The following DYSF variants were observed in gnomAD, a reference collection of about 807,000 sequenced individuals.
The protein encoded by DYSF is dystrophy-associated fer-1-like 1.
In DYSF, 212 loss-of-function variants were observed where a neutral mutation model predicts 274.9. The ratio of observed to expected loss-of-function variants is 0.77; its 90% confidence interval spans 0.69 to 0.86. The LOEUF is 0.86. DYSF is among the 40% of genes least tolerant of loss of function. The pLI, the probability that DYSF is intolerant of heterozygous loss-of-function variation, is 0.00. For missense variants in DYSF, 2,666 were observed against 2,783.2 expected, an observed-to-expected ratio of 0.96 and a Z score of 0.95; for synonymous variants, 1,091 against 1,078.7, an observed-to-expected ratio of 1.01 and a Z score of -0.22.
intron 30 of DYSF, among the ~76,000 whole-genome samples, chr2:71,583,644 C>T (rs964965795): frequency 6.6e-6 from 1 of 152,186 alleles, no homozygotes; most frequent in Non-Finnish European, 1.5e-5. Context: ...CCTGTTTAGA[C>T]CAAGGCACCA....
At chr2:71,502,077 C>CTGTGTGTGTG (rs1404911959) in intron 3 of DYSF, among the ~76,000 whole-genome samples, 1 of 118,424 alleles carries the variant, frequency 8.4e-6, no homozygotes, top group African/African-American at 3.3e-5. Flanking sequence ...CTCTCCATGA[C>CTGTGTGTGTG]TCTGTGTGTG....
intron 18 of DYSF, 138 bp downstream of exon 18, chr2:71,551,294 C>A: frequency 1.2e-6 from 1 of 862,180 alleles, no homozygotes; most frequent in Non-Finnish European, 1.9e-6. Context: ...AGTTCTCCTT[C>A]TGCCCCTTGA....
intron 45 of DYSF, among the ~76,000 whole-genome samples, chr2:71,661,960 G>A (rs567801568): frequency 2.0e-5 from 3 of 152,242 alleles, no homozygotes; most frequent in East Asian, 3.9e-4. Flanking sequence ...AGCTCCAGGG[G>A]CTGGCGCAGG....
chr2:71,551,327 G>C (rs1304232924), intron 18 of DYSF, among the ~76,000 whole-genome samples, 171 bp downstream of exon 18: 2 of 152,222 alleles, frequency 1.3e-5, no homozygotes, highest in African/African-American at 4.8e-5. Flanking sequence ...CTGAGTGCCA[G>C]TCTGATCCTT....
chr2:71,599,126 T>C (rs1173917205), intron 33 of DYSF, among the ~76,000 whole-genome samples: 1 of 152,138 alleles, frequency 6.6e-6, no homozygotes, highest in Non-Finnish European at 1.5e-5. Context: ...TCACTTGGGG[T>C]TCCTTGTTTA....
chr2:71,620,848 T>G (rs1337655285), intron 41 of DYSF, among the ~76,000 whole-genome samples: 1 of 152,016 alleles, frequency 6.6e-6, no homozygotes, highest in East Asian at 1.9e-4. Context: ...CTTATTTACC[T>G]GTGTGAGGGC....
chr2:71,520,130 C>T lies in DYSF; in HGVS notation c.1003-48C>T, dbSNP rs372586228. The T allele has an allele frequency of 2.5e-5, 40 of 1,612,520 alleles. 1 individual carries two copies. Among genetic ancestry groups the T allele is most frequent in the South Asian group, 2.4e-4 (22 of 91,044 alleles). On this transcript the variant is annotated intron_variant, in intron 10 of 55. Coordinates refer to ENST00000410020, the MANE Select transcript of DYSF (RefSeq NM_001130987.2). ...ATATAATGCACCACACTTTATTTAACGCTTTGGCGGCAAGAGTTTGATTTG... is the reference window on the plus strand; with the variant it reads ...ATATAATGCACCACACTTTATTTAATGCTTTGGCGGCAAGAGTTTGATTTG...
chr2:71,506,534 C>T (rs10181971), intron 4 of DYSF, among the ~76,000 whole-genome samples: 111,176 of 152,072 alleles, frequency 0.73, 41,682 homozygotes, highest in Middle Eastern at 0.82. Flanking sequence ...GGACCCGTGA[C>T]GTGGAGGACC....
chr2:71,543,733 G>A (rs1573876347), intron 17 of DYSF, among the ~76,000 whole-genome samples: 1 of 152,282 alleles, frequency 6.6e-6, no homozygotes, highest in South Asian at 2.1e-4. Context: ...GTGGCGGCGC[G>A]CGCCTGCAAT....
At chr2:71,633,527 AGAT>A (rs573489375) in intron 41 of DYSF, among the ~76,000 whole-genome samples, 1 of 152,200 alleles carries the variant, frequency 6.6e-6, no homozygotes, top group Non-Finnish European at 1.5e-5. Context: ...ATATCTTTGT[AGAT>A]ATCTACTCTG....
intron 44 of DYSF, among the ~76,000 whole-genome samples, chr2:71,659,380 G>A (rs952226637): frequency 3.9e-5 from 6 of 152,204 alleles, no homozygotes; most frequent in Non-Finnish European, 7.3e-5. Flanking sequence ...ATTGCTTAAT[G>A]TGTGTCTAGA....
At chr2:71,600,586 C>A in intron 33 of DYSF, 116 bp from the exon 34 acceptor site, 1 of 1,416,434 alleles carries the variant, frequency 7.1e-7, no homozygotes, top group Non-Finnish European at 9.9e-7. Context: ...GGAGGGGGTG[C>A]CCTTACTACT....
chr2:71,460,024 C>A (rs758436747), intron 1 of DYSF, among the ~76,000 whole-genome samples: 3 of 152,172 alleles, frequency 2.0e-5, no homozygotes, highest in Non-Finnish European at 4.4e-5. Flanking sequence ...GAGGAGCTGC[C>A]CTCACCTGAA....
intron 1 of DYSF, among the ~76,000 whole-genome samples, chr2:71,460,938 G>GAA (rs61178408): frequency 1.6e-5 from 2 of 126,224 alleles, no homozygotes; most frequent in Non-Finnish European, 3.4e-5. Context: ...TGATAGACAG[G>GAA]AAAAAAAAAA....
intron 45 of DYSF, among the ~76,000 whole-genome samples, chr2:71,661,040 C>T (rs995882121): frequency 1.2e-4 from 18 of 149,274 alleles, no homozygotes; most frequent in African/African-American, 4.0e-4. Flanking sequence ...TCCCTTGAGC[C>T]TAGGAGTTTG....
intron 17 of DYSF, among the ~76,000 whole-genome samples, chr2:71,546,108 G>A (rs888350345): frequency 1.3e-5 from 2 of 152,264 alleles, no homozygotes; most frequent in African/African-American, 4.8e-5. Flanking sequence ...TCCTGCAGAG[G>A]TGGGTCCCTT....
intron 32 of DYSF, among the ~76,000 whole-genome samples, chr2:71,591,316 C>A (rs1191933134): frequency 6.6e-6 from 1 of 152,256 alleles, no homozygotes; most frequent in Admixed American, 6.5e-5. Context: ...AGTGCCTTAC[C>A]AGCACCTCCC....
At chr2:71,685,938 G>A (rs569206963) in intron 55 of DYSF, among the ~76,000 whole-genome samples, 5 of 152,316 alleles carry the variant, frequency 3.3e-5, no homozygotes, top group East Asian at 1.9e-4. Flanking sequence ...GGGCTGTGCC[G>A]TGGGTCATCC....
chr2:71,537,218 G>GTTTTTT lies in DYSF; in HGVS notation c.1493+1911_1493+1912insTTTTTT, dbSNP rs751063098. On this transcript the variant is annotated intron_variant, in intron 16 of 55. Coordinates refer to ENST00000410020, the MANE Select transcript of DYSF (RefSeq NM_001130987.2). ...TATTGCAGGAAATTTTTACTTTCTA[G>GTTTTTT]TTTTGTTTTTTTTTTTTTTTTTTTT... Among the ~76,000 whole-genome samples the GTTTTTT allele has an allele frequency of 3.4e-3, 164 of 47,660 alleles. 5 individuals carry two copies. Among genetic ancestry groups the GTTTTTT allele is most frequent in the African/African-American group, 6.6e-3 (104 of 15,754 alleles). 31.3% of individuals were successfully genotyped at this position (47,660 alleles called of 152,430 possible).
Sources: allele counts gnomAD v4.1 joint callset (sites outside exome capture counted in the v4.1 genomes callset), GRCh38; gene constraint gnomAD v4.1.1; transcripts MANE v1.5; gene names NCBI Gene and HGNC (gene_info 2026-07-23, HGNC 2026-07-21).